PARP8: variants seen among roughly 807,000 people sequenced by gnomAD.
PARP8 encodes the protein protein mono-ADP-ribosyltransferase PARP8.
Under a neutral mutation model 124.1 loss-of-function variants are expected in PARP8, and 51 were observed. The observed-to-expected ratio is 0.41, with a 90% CI of 0.33 to 0.52. The LOEUF is 0.52. PARP8 is among the 20% of genes least tolerant of loss of function. The pLI is 0.21. For synonymous variants in PARP8, 391 were observed against 361.5 expected (o/e 1.08, Z -0.93); for missense variants, 860 against 1,018.9 (o/e 0.84, Z 2.12).
intron 7 of PARP8, among the ~76,000 whole-genome samples, chr5:50,773,982 G>A (rs1761900017): frequency 1.3e-5 from 2 of 152,092 alleles, no homozygotes; most frequent in Admixed American, 1.3e-4. Context: ...AGAGGTCCCT[G>A]CGGCCTTCCA....
intron 22 of PARP8, among the ~76,000 whole-genome samples, chr5:50,832,483 T>A (rs1747092882): frequency 6.6e-6 from 1 of 152,190 alleles, no homozygotes; most frequent in African/African-American, 2.4e-5. Flanking sequence ...ATAGTGGGAA[T>A]GAAAGTTAGG....
chr5:50,811,448 TTG>T, intron 14 of PARP8, among the ~76,000 whole-genome samples: 1 of 152,058 alleles, frequency 6.6e-6, no homozygotes. Flanking sequence ...ATACCTAGGA[TTG>T]GTGACAAAGT....
chr5:50,754,146 T>TATATATATATATATATATATAC (rs1561331500), intron 3 of PARP8, among the ~76,000 whole-genome samples: 1 of 21,422 alleles, frequency 4.7e-5, no homozygotes, highest in African/African-American at 1.3e-4. Flanking sequence ...TATATATATA[T>TATATATATATATATATATATAC]ATATACACAC....
chr5:50,687,022 T>C (rs1158915230), intron 2 of PARP8, among the ~76,000 whole-genome samples: 1 of 152,226 alleles, frequency 6.6e-6, no homozygotes. Context: ...CTTATGCAAA[T>C]TTCTGCAGCC....
chr5:50,779,192 T>TAC (rs557537450), intron 9 of PARP8, among the ~76,000 whole-genome samples: 40 of 150,614 alleles, frequency 2.7e-4, no homozygotes, highest in African/African-American at 7.8e-4. Context: ...TACACACACA[T>TAC]ACACACACAC....
intron 2 of PARP8, among the ~76,000 whole-genome samples, chr5:50,732,550 A>G (rs1354943484): frequency 6.6e-6 from 1 of 152,186 alleles, no homozygotes; most frequent in Non-Finnish European, 1.5e-5. Context: ...CATAGTAGTA[A>G]AAGTTGTTAT....
chr5:50,722,369 C>T (rs762561842), intron 2 of PARP8, among the ~76,000 whole-genome samples: 12 of 151,974 alleles, frequency 7.9e-5, no homozygotes, highest in South Asian at 2.1e-4. Flanking sequence ...CCTCTCCCCT[C>T]GGGCACAGCT....
At chr5:50,824,160 T>C (rs1746079003) in intron 17 of PARP8, among the ~76,000 whole-genome samples, 1 of 152,222 alleles carries the variant, frequency 6.6e-6, no homozygotes, top group Non-Finnish European at 1.5e-5. Context: ...AGGTAAATTG[T>C]GTCCAATTTT....
chr5:50,707,944 C>T lies in PARP8; in HGVS notation c.146+39819C>T, dbSNP rs189184916. 5.1e-3 allele frequency among the ~76,000 whole-genome samples: 778 copies of T among 152,174 alleles called. 11 individuals are homozygous for T. The highest frequency in any genetic ancestry group is 0.032 in the Admixed American group (494 of 15,252). ...CTTACATTTCCTTACCACACGATCTCGCACCATAGCCACTTCAGAATTTTT... is the reference window on the plus strand; with the variant it reads ...CTTACATTTCCTTACCACACGATCTTGCACCATAGCCACTTCAGAATTTTT... On this transcript the variant is annotated intron_variant, in intron 2 of 25. Transcript: ENST00000281631.
intron 25 of PARP8, among the ~76,000 whole-genome samples, chr5:50,840,876 T>A (rs1356761944): frequency 2.6e-5 from 4 of 151,890 alleles, no homozygotes; most frequent in African/African-American, 7.2e-5. Context: ...TTTCCATGTA[T>A]ATGTAAGTTG....
In PARP8 at chr5:50,674,585, T is replaced by A. The variant is rs540848354; in HGVS notation, c.146+6460T>A. ...GCCTTCAAATGTGACCACAGCTTTT[T>A]CCATATAGACCTGAAACTTAACATT... On this transcript the variant is annotated intron_variant, in intron 2 of 25. Coordinates refer to ENST00000281631, the MANE Select transcript of PARP8 (RefSeq NM_024615.4). Among the ~76,000 whole-genome samples the A allele has an allele frequency of 2.6e-5, 4 of 152,352 alleles. No homozygotes were observed. The East Asian group carries it at 7.7e-4, about 29-fold the overall frequency.
At chr5:50,763,633 TAA>T (rs201812514) in intron 7 of PARP8, among the ~76,000 whole-genome samples, 3 of 143,010 alleles carry the variant, frequency 2.1e-5, no homozygotes, top group Admixed American at 1.4e-4. Context: ...ATCTGGTCCC[TAA>T]AAAAAAAAAA....
At chr5:50,686,829 G>C (rs554010917) in intron 2 of PARP8, among the ~76,000 whole-genome samples, 1 of 152,268 alleles carries the variant, frequency 6.6e-6, no homozygotes, top group Admixed American at 6.5e-5. Flanking sequence ...GGTTGCAGTG[G>C]CTGGGACGCA....
chr5:50,842,200 T>C lies in PARP8; in HGVS notation c.*132T>C, dbSNP rs1296406689. ...TAACCCTTTGAATACTGATTTTTTT[T>C]CTTAGTATTTCTAAGTATCTCATTA... On this transcript the variant is annotated 3_prime_UTR_variant, in exon 26 of 26. Transcript: ENST00000281631. 3 of 623,168 alleles carry C rather than the reference T, an allele frequency of 4.8e-6. No homozygotes were observed. Among genetic ancestry groups the C allele is most frequent in the Admixed American group, 3.6e-5 (1 of 28,104 alleles). 38.6% of individuals were successfully genotyped at this position (623,168 alleles called of 1,614,324 possible).
chr5:50,764,203 G>A (rs551180473), intron 7 of PARP8, among the ~76,000 whole-genome samples: 4 of 152,162 alleles, frequency 2.6e-5, no homozygotes, highest in South Asian at 4.1e-4. Context: ...TTTGGCTTAC[G>A]TCTCCCCCTG....
At chr5:50,750,302 G>A in intron 3 of PARP8, 114 bp downstream of exon 3, 2 of 878,156 alleles carry the variant, frequency 2.3e-6, no homozygotes, top group Admixed American at 4.6e-5. Context: ...CACTGGTAGA[G>A]GAAGCCTTAA....
intron 2 of PARP8, among the ~76,000 whole-genome samples, chr5:50,680,583 C>T (rs1490883284): frequency 1.3e-5 from 2 of 152,140 alleles, no homozygotes; most frequent in Non-Finnish European, 2.9e-5. Context: ...AGAGTTGATT[C>T]TCCCCAACTC....
intron 2 of PARP8, among the ~76,000 whole-genome samples, chr5:50,693,849 T>C (rs1752752830): frequency 6.6e-6 from 1 of 151,500 alleles, no homozygotes; most frequent in Non-Finnish European, 1.5e-5. Flanking sequence ...TATTAATTTA[T>C]ATAATTATAA....
At chr5:50,782,263 A>C (rs1172126529) in intron 9 of PARP8, among the ~76,000 whole-genome samples, 1 of 152,232 alleles carries the variant, frequency 6.6e-6, no homozygotes, top group East Asian at 1.9e-4. Context: ...CATTTCTCAC[A>C]TGGGGATGGC....
Sources: gnomAD v4.1 joint callset for allele counts (sites outside exome capture counted in the v4.1 genomes callset) on GRCh38, gnomAD v4.1.1 for gene constraint, MANE v1.5 for transcripts, NCBI Gene and HGNC (gene_info 2026-07-23, HGNC 2026-07-21) for gene names.